THRB: variants seen among roughly 807,000 people sequenced by gnomAD.
THRB encodes the protein thyroid hormone receptor beta, also known as nuclear receptor subfamily 1 group A member 2.
A neutral mutation model predicts 47.8 loss-of-function variants in THRB; 12 were observed. The observed-to-expected ratio is 0.25, with a 90% CI of 0.16 to 0.41. The LOEUF (loss-of-function observed/expected upper bound fraction) is 0.41. THRB is among the 10% of genes least tolerant of loss of function. The probability of loss-of-function intolerance (pLI) is 1.00; values close to 1 mark genes in which losing one functional copy is unlikely to be tolerated. For missense variants in THRB, 348 were observed against 589.2 expected, an observed-to-expected ratio of 0.59 and a Z score of 4.24; for synonymous variants, 218 against 212.2, an observed-to-expected ratio of 1.03 and a Z score of -0.24.
rs562195284 is a variant in THRB at position 24,189,194 on chromosome 3, A to G, written c.283+880T>C. Among the ~76,000 whole-genome samples, 16 of 152,240 alleles carry G rather than the reference A, an allele frequency of 1.1e-4. No homozygotes were observed. In the East Asian group the frequency reaches 2.3e-3, roughly 22 times the overall value. On this transcript the variant is annotated intron_variant, in intron 5 of 10. Coordinates refer to ENST00000646209, the MANE Select transcript of THRB (RefSeq NM_001354712.2). ...TTTGCAAACTTTATTATGTTTTGGT[A>G]TATGATTGTGAGATTTTCAAAACAC...
chr3:24,311,403 T>C lies in THRB; in HGVS notation c.-188-14032A>G, dbSNP rs537841638. Among the ~76,000 whole-genome samples the C allele has an allele frequency of 1.1e-4, 17 of 152,326 alleles. No individual in the cohort carries two copies. The South Asian group carries it at 3.1e-3, about 28-fold the overall frequency. On this transcript the variant is annotated intron_variant, in intron 2 of 10. Transcript: ENST00000646209. ...GGAGGGCTTCAATGGTTCTCTATGA[T>C]GCCCTCTCGTCTCTCCTCTCCATCT... is the stretch of plus-strand genomic sequence containing the variant.
intron 1 of THRB, among the ~76,000 whole-genome samples, chr3:24,427,158 C>T (rs2069851022): frequency 1.3e-5 from 2 of 151,890 alleles, no homozygotes. Flanking sequence ...ATTGATTGTA[C>T]AATGAAAACC....
At chr3:24,464,229 G>C (rs1322580798) in intron 1 of THRB, among the ~76,000 whole-genome samples, 1 of 149,024 alleles carries the variant, frequency 6.7e-6, no homozygotes, top group East Asian at 2.0e-4. Flanking sequence ...CTGGGCGACA[G>C]TGAGACTCCG....
chr3:24,361,530 T>C lies in THRB; in HGVS notation c.-260-24159A>G, dbSNP rs529634861. ...AAATTCTGGGAAGAAAGATAGTCTA[T>C]AAGAGCAGGGTACTATTGTTATGAA... On this transcript the variant is annotated intron_variant, in intron 1 of 10. Coordinates refer to ENST00000646209, the MANE Select transcript of THRB (RefSeq NM_001354712.2). 7.2e-5 allele frequency among the ~76,000 whole-genome samples: 11 copies of C among 152,176 alleles called. No individual in the cohort carries two copies. In the South Asian group the frequency reaches 2.3e-3, roughly 32 times the overall value.
intron 5 of THRB, among the ~76,000 whole-genome samples, chr3:24,154,534 G>A (rs2037504459): frequency 6.6e-6 from 1 of 152,156 alleles, no homozygotes; most frequent in South Asian, 2.1e-4. Context: ...TCATTGCAGG[G>A]AAATGCAAAT....
intron 1 of THRB, among the ~76,000 whole-genome samples, chr3:24,361,375 C>T (rs996103985): frequency 7.9e-5 from 12 of 152,098 alleles, no homozygotes; most frequent in Non-Finnish European, 1.3e-4. Flanking sequence ...ACATAATACA[C>T]AGCCCAAAAT....
intron 1 of THRB, among the ~76,000 whole-genome samples, chr3:24,376,836 C>A (rs1298641054): frequency 1.3e-5 from 2 of 152,296 alleles, no homozygotes; most frequent in African/African-American, 4.8e-5. Flanking sequence ...AACATTGTTA[C>A]ACTACAGTGT....
chr3:24,312,541 C>A (rs1179268838), intron 2 of THRB, among the ~76,000 whole-genome samples: 1 of 152,174 alleles, frequency 6.6e-6, no homozygotes, highest in Non-Finnish European at 1.5e-5. Context: ...ACGTATACGC[C>A]CACATTTGTG....
chr3:24,417,681 A>G (rs1222201415), intron 1 of THRB, among the ~76,000 whole-genome samples: 1 of 151,900 alleles, frequency 6.6e-6, no homozygotes, highest in East Asian at 1.9e-4. Flanking sequence ...TGGAATAACT[A>G]TATTGATTAG....
chr3:24,490,544 G>C (rs1697982221), intron 1 of THRB, among the ~76,000 whole-genome samples: 1 of 152,080 alleles, frequency 6.6e-6, no homozygotes, highest in Non-Finnish European at 1.5e-5. Context: ...CCCACACATC[G>C]TGCCTCATCA....
chr3:24,455,292 C>T (rs7429861), intron 1 of THRB: 2 of 151,760 alleles, frequency 1.3e-5, no homozygotes, highest in African/African-American at 4.8e-5. Context: ...TTTGAATTCT[C>T]TCTTCAACAT....
At chr3:24,280,284 C>G (rs367858724) in intron 3 of THRB, among the ~76,000 whole-genome samples, 1 of 152,154 alleles carries the variant, frequency 6.6e-6, no homozygotes, top group Admixed American at 6.5e-5. Context: ...TGACTCCTGA[C>G]CCCCGAGCAG....
At chr3:24,271,694 A>G (rs915234289) in intron 3 of THRB, among the ~76,000 whole-genome samples, 34 of 152,148 alleles carry the variant, frequency 2.2e-4, no homozygotes, top group Admixed American at 2.0e-3. Context: ...GCTATTCCTC[A>G]TAGCCTAATT....
intron 3 of THRB, among the ~76,000 whole-genome samples, chr3:24,270,621 A>T (rs747734711): frequency 6.6e-6 from 1 of 152,232 alleles, no homozygotes; most frequent in Non-Finnish European, 1.5e-5. Flanking sequence ...GGGTCTTGAA[A>T]AGACAGCTAA....
chr3:24,204,765 G>C (rs1256037877), intron 4 of THRB, among the ~76,000 whole-genome samples: 1 of 152,176 alleles, frequency 6.6e-6, no homozygotes, highest in African/African-American at 2.4e-5. Context: ...AAAAAGATTA[G>C]ACGAATGGCT....
At position 24,270,516 on chromosome 3, in the gene THRB, T is replaced by C. The variant is rs577053113; in HGVS notation, c.-43+26710A>G. On this transcript the variant is annotated intron_variant, in intron 3 of 10. Coordinates refer to ENST00000646209, the MANE Select transcript of THRB (RefSeq NM_001354712.2). Reference sequence around the variant, plus strand: ...TAACATTATGAGCACCTATCTATAATGCCATTACTCAGACTGGCTAGAAAT... The same window carrying C: ...TAACATTATGAGCACCTATCTATAACGCCATTACTCAGACTGGCTAGAAAT... Among the ~76,000 whole-genome samples the C allele has an allele frequency of 5.3e-5, 8 of 152,376 alleles. 1 individual carries two copies. Among genetic ancestry groups the C allele is most frequent in the African/African-American group, 1.7e-4 (7 of 41,590 alleles).
At chr3:24,379,569 A>C (rs1400061253) in intron 1 of THRB, among the ~76,000 whole-genome samples, 1 of 152,038 alleles carries the variant, frequency 6.6e-6, no homozygotes, top group East Asian at 1.9e-4. Context: ...AGGGACTATA[A>C]GGGAAGTCCC....
intron 1 of THRB, among the ~76,000 whole-genome samples, chr3:24,386,164 T>C (rs1417270464): frequency 6.6e-6 from 1 of 152,110 alleles, no homozygotes. Flanking sequence ...TTCCACAGTC[T>C]GAATCTGAGC....
At chr3:24,409,104 T>A (rs1467409854) in intron 1 of THRB, among the ~76,000 whole-genome samples, 5 of 151,882 alleles carry the variant, frequency 3.3e-5, no homozygotes, top group African/African-American at 1.2e-4. Context: ...GGAAATTCCA[T>A]TCTTCAAAAC....
Sources: allele counts gnomAD v4.1 joint callset (sites outside exome capture counted in the v4.1 genomes callset), GRCh38; gene constraint gnomAD v4.1.1; transcripts MANE v1.5; gene names NCBI Gene and HGNC (gene_info 2026-07-23, HGNC 2026-07-21).